Variants in TSPEAR observed in about 807,000 individuals in gnomAD.
TSPEAR encodes the protein thrombospondin type laminin G domain and EAR repeats.
Under a neutral mutation model 71.6 loss-of-function variants are expected in TSPEAR, and 69 were observed. The observed-to-expected ratio is 0.96, with a 90% CI of 0.79 to 1.18. The LOEUF is 1.18. Among genes scored for constraint, TSPEAR ranks in the 50% most tolerant of loss-of-function variants. The probability of loss-of-function intolerance (pLI) is 0.00; values close to 1 mark genes in which losing one functional copy is unlikely to be tolerated. For missense variants in TSPEAR, 971 were observed against 894.9 expected (o/e 1.09, Z -1.09); for synonymous variants, 402 against 387.2 (o/e 1.04, Z -0.45).
intron 2 of TSPEAR, chr21:44,539,892 G>A (rs782701597): frequency 5.0e-6 from 8 of 1,614,078 alleles, no homozygotes; most frequent in South Asian, 4.4e-5. Context: ...CAGCAAGCCG[G>A]CTGGCAGCTA....
At chr21:44,688,692 G>C (rs1423384675) in intron 1 of TSPEAR, among the ~76,000 whole-genome samples, 1 of 152,074 alleles carries the variant, frequency 6.6e-6, no homozygotes, top group Non-Finnish European at 1.5e-5. Flanking sequence ...CTGGGCAACA[G>C]AGCCAGACTC....
At chr21:44,567,018 A>T (rs2053712270) in intron 2 of TSPEAR, among the ~76,000 whole-genome samples, 1 of 152,244 alleles carries the variant, frequency 6.6e-6, no homozygotes, top group Admixed American at 6.5e-5. Context: ...ATTGAACATC[A>T]TCATGGTTTA....
At chr21:44,563,715 A>G (rs781880029) in intron 2 of TSPEAR, among the ~76,000 whole-genome samples, 1 of 152,226 alleles carries the variant, frequency 6.6e-6, no homozygotes, top group Non-Finnish European at 1.5e-5. Flanking sequence ...CATTGCAAAT[A>G]CTGAATTAGG....
chr21:44,504,447 A>AAG (rs2052146096), intron 11 of TSPEAR, among the ~76,000 whole-genome samples: 1 of 133,738 alleles, frequency 7.5e-6, no homozygotes, highest in African/African-American at 2.9e-5. Flanking sequence ...CAGTGAGCCC[A>AAG]CAGTGGGGAA....
At chr21:44,533,252 C>T (rs2053009766) in intron 3 of TSPEAR, among the ~76,000 whole-genome samples, 1 of 152,224 alleles carries the variant, frequency 6.6e-6, no homozygotes, top group Admixed American at 6.5e-5. Flanking sequence ...CATCACTCAC[C>T]ACCTGTTCTC....
intron 1 of TSPEAR, chr21:44,580,311 C>T (rs782464076): frequency 5.1e-5 from 83 of 1,613,748 alleles, no homozygotes; most frequent in Non-Finnish European, 6.5e-5. Context: ...CAGACGGGCA[C>T]GCAGCAGGCC....
chr21:44,650,239 A>G (rs930079297), intron 1 of TSPEAR, among the ~76,000 whole-genome samples: 5 of 151,972 alleles, frequency 3.3e-5, no homozygotes, highest in African/African-American at 1.2e-4. Context: ...AAGAAAAGGT[A>G]TATGTTGGAT....
In TSPEAR at chr21:44,567,940, T is replaced by C. The variant is rs781937506; in HGVS notation, c.148A>G (p.Ile50Val). 1.9e-6 allele frequency: 3 copies of C among 1,590,410 alleles called. No homozygotes were observed. The highest frequency in any genetic ancestry group is 2.6e-6 in the Non-Finnish European group (3 of 1,164,648). ...CCCCGTGCACCGTGAACCTGAACTA[T>C]CCTGATCCCGCTTGTGGCGCCATCA... ...PSDGATSGIR[I>V]VQVHGARGLQ... The change falls in exon 2 of 12, where the codon ATA (isoleucine) becomes GTA (valine). Residue 50 changes from isoleucine to valine, a missense_variant. Ile to Val is a conservative substitution (Grantham distance 29, BLOSUM62 3). Coordinates refer to ENST00000323084, the MANE Select transcript of TSPEAR (RefSeq NM_144991.3).
chr21:44,664,619 A>C (rs1985656327), intron 1 of TSPEAR, among the ~76,000 whole-genome samples: 1 of 152,226 alleles, frequency 6.6e-6, no homozygotes, highest in South Asian at 2.1e-4. Context: ...TTCTTAAAAG[A>C]AGAACAAAAT....
rs12626886 is a variant in TSPEAR at position 44,574,966 on chromosome 21, G to T, written c.83-6961C>A. The stretch of plus-strand genomic sequence containing the variant: ...GCCTCCTGCGTGTCCCTCCTCTGAC[G>T]CCCCGTGTGCTCCCGCCCAGCCTGC... On this transcript the variant is annotated intron_variant, in intron 1 of 11. Coordinates refer to ENST00000323084, the MANE Select transcript of TSPEAR (RefSeq NM_144991.3). The T allele has an allele frequency of 1.9e-6, 3 of 1,612,616 alleles. No individual in the cohort carries two copies. The South Asian group carries it at 3.3e-5, about 18-fold the overall frequency.
intron 1 of TSPEAR, among the ~76,000 whole-genome samples, chr21:44,578,771 A>C (rs1978645904): frequency 6.6e-6 from 1 of 152,138 alleles, no homozygotes; most frequent in Non-Finnish European, 1.5e-5. Context: ...CCATCCCCCC[A>C]GAAAATCCCC....
In TSPEAR at chr21:44,499,787, C is replaced by G; in HGVS notation, c.2006G>C (p.Arg669Pro). Reference protein sequence around the residue: ...PLSRVLRLRTR With the variant: ...PLSRVLRLRTP ...TGCTGCCGGGCAGCCGCGGCCTCAG[C>G]GTGTCCTCAGCCGCAGGACCCTGGA... The change falls in exon 12 of 12, where the codon CGC becomes CCC. Residue 669 changes from arginine (R) to proline (P), a missense_variant. By Grantham distance (103) the Arg-to-Pro change is moderately radical. Transcript: ENST00000323084. 6.4e-7 allele frequency: 1 copy of G among 1,565,440 alleles called. No homozygotes were observed. The highest frequency in any genetic ancestry group is 1.2e-5 in the South Asian group (1 of 85,246).
chr21:44,659,939 A>G (rs1985398690), intron 1 of TSPEAR, among the ~76,000 whole-genome samples: 1 of 152,386 alleles, frequency 6.6e-6, no homozygotes, highest in African/African-American at 2.4e-5. Flanking sequence ...AATGGAAACT[A>G]TAAGAAAGGT....
At chr21:44,515,596 C>A (rs953176457) in intron 9 of TSPEAR, 11 of 152,388 alleles carry the variant, frequency 7.2e-5, no homozygotes, top group Non-Finnish European at 1.6e-4. Context: ...CTGCTGGCCC[C>A]CTTCTGAGGA....
intron 1 of TSPEAR, among the ~76,000 whole-genome samples, chr21:44,630,458 AT>A (rs1193477424): frequency 6.6e-6 from 1 of 152,216 alleles, no homozygotes; most frequent in African/African-American, 2.4e-5. Context: ...GAGCTGAGAA[AT>A]TAGATGCTTT....
rs138334740 is a variant in TSPEAR at position 44,659,752 on chromosome 21, C to T, written c.82+51681G>A. 3.5e-3 allele frequency among the ~76,000 whole-genome samples: 528 copies of T among 152,276 alleles called. 2 individuals are homozygous for T. Among genetic ancestry groups the T allele is most frequent in the African/African-American group, 0.012 (493 of 41,542 alleles). On this transcript the variant is annotated intron_variant, in intron 1 of 11. Coordinates refer to ENST00000323084, the MANE Select transcript of TSPEAR (RefSeq NM_144991.3). ...AGTGAGCTGAGATTGCACCACTGCA[C>T]TCCAGCCTGGGTAAAAGAGCAAGAC...
At position 44,499,853 on chromosome 21, in the gene TSPEAR, G is replaced by T; in HGVS notation, c.1940C>A (p.Ala647Asp). The T allele has an allele frequency of 6.2e-7, 1 of 1,601,400 alleles. No homozygotes were observed. The highest frequency in any genetic ancestry group is 1.7e-5 in the Admixed American group (1 of 58,788). Residue 647 changes from alanine to aspartate, a missense_variant, in exon 12 of 12, where the codon GCT (alanine) becomes GAT (aspartate). Physicochemically the swap from Ala to Asp is moderately radical, Grantham distance 126. Coordinates refer to ENST00000323084, the MANE Select transcript of TSPEAR (RefSeq NM_144991.3). ...CRDWEAFSTT[A>D]GAYLIYSSAK... is the part of the protein sequence containing the mutation. ...GCTGGAGTAGATGAGGTAGGCACCAGCCGTGGTGCTGAAGGCCTCCCAGTC... is the reference window on the plus strand; with the variant it reads ...GCTGGAGTAGATGAGGTAGGCACCATCCGTGGTGCTGAAGGCCTCCCAGTC...
chr21:44,627,266 G>A, intron 1 of TSPEAR: 2 of 1,612,658 alleles, frequency 1.2e-6, no homozygotes, highest in Non-Finnish European at 1.7e-6. Flanking sequence ...CCCCCCTGCT[G>A]CGCCACCAGC....
chr21:44,607,170 C>G (rs1256509497), intron 1 of TSPEAR, among the ~76,000 whole-genome samples: 1 of 152,202 alleles, frequency 6.6e-6, no homozygotes, highest in Non-Finnish European at 1.5e-5. Flanking sequence ...ACCTCCGCCT[C>G]CCGGGTTCAA....
Sources: allele counts gnomAD v4.1 joint callset (sites outside exome capture counted in the v4.1 genomes callset), GRCh38; gene constraint gnomAD v4.1.1; transcripts MANE v1.5; gene names NCBI Gene and HGNC (gene_info 2026-07-23, HGNC 2026-07-21).